CYTH3: variants seen among roughly 807,000 people sequenced by gnomAD.
CYTH3 encodes cytohesin 3.
A neutral mutation model predicts 55.1 loss-of-function variants in CYTH3; 23 were observed. That is an observed-to-expected ratio of 0.42 (90% confidence interval 0.30 to 0.59). The LOEUF (loss-of-function observed/expected upper bound fraction) is 0.59, where lower values mean the gene tolerates loss of function less well. Among genes scored for constraint, CYTH3 ranks in the 20% least tolerant of loss-of-function variants. CYTH3 has a pLI of 0.20. For synonymous variants in CYTH3, 249 were observed against 194.9 expected (o/e 1.28, Z -2.31); for missense variants, 413 against 524.8 (o/e 0.79, Z 2.08).
At chr7:6,178,792 G>A (rs141402973) in intron 4 of CYTH3, among the ~76,000 whole-genome samples, 145 of 152,272 alleles carry the variant, frequency 9.5e-4, no homozygotes, top group African/African-American at 3.1e-3. Context: ...TGAGGGCTGC[G>A]GCACAGCTGA....
intron 1 of CYTH3, among the ~76,000 whole-genome samples, chr7:6,267,332 G>C (rs1271800259): frequency 6.6e-6 from 1 of 152,164 alleles, no homozygotes. Context: ...GCCATGCATA[G>C]AACCTGGTAT....
At chr7:6,199,657 G>T (rs1396701360) in intron 1 of CYTH3, among the ~76,000 whole-genome samples, 1 of 152,164 alleles carries the variant, frequency 6.6e-6, no homozygotes, top group Admixed American at 6.6e-5. Flanking sequence ...CATGCAGGGG[G>T]AAAGAAAAGA....
intron 1 of CYTH3, among the ~76,000 whole-genome samples, chr7:6,243,271 T>C (rs893241767): frequency 6.6e-5 from 10 of 152,208 alleles, no homozygotes; most frequent in Admixed American, 1.3e-4. Flanking sequence ...CCTGTGTCTC[T>C]GTGCATAGAG....
intron 4 of CYTH3, among the ~76,000 whole-genome samples, chr7:6,186,333 C>T (rs987802493): frequency 2.0e-5 from 3 of 151,900 alleles, no homozygotes; most frequent in African/African-American, 4.8e-5. Flanking sequence ...CCCGTGGACA[C>T]GCCGTTCCTC....
intron 1 of CYTH3, among the ~76,000 whole-genome samples, chr7:6,220,144 G>A (rs528386086): frequency 3.2e-4 from 49 of 151,952 alleles, no homozygotes; most frequent in African/African-American, 7.7e-4. Context: ...TGATCTGCCC[G>A]CCTCGGCCTC....
intron 6 of CYTH3, chr7:6,172,701 G>A (rs779597395): frequency 7.2e-6 from 8 of 1,110,194 alleles, no homozygotes; most frequent in Non-Finnish European, 9.0e-6. Flanking sequence ...CAGCTGCAAG[G>A]GCCGCACCAG....
Position 6,170,273 on chromosome 7 carries a change from G to A in CYTH3, c.823+262C>T, listed in dbSNP as rs1783135426. 1 of 497,088 alleles carries A rather than the reference G, an allele frequency of 2.0e-6. No homozygotes were observed. The highest frequency in any genetic ancestry group is 1.9e-5 in the African/African-American group (1 of 51,564). 30.8% of individuals were successfully genotyped at this position (497,088 alleles called of 1,614,324 possible). On this transcript the variant is annotated intron_variant, in intron 9 of 12. Coordinates refer to ENST00000350796, the MANE Select transcript of CYTH3 (RefSeq NM_004227.4). The surrounding 1 kb of genome is among the most constrained non-coding windows in gnomAD (Gnocchi z 7.8). ...GCAGGAAGCTGCCCTGGCTGGATCT[G>A]GATGCTAACTCAGCAGTTTTCTGGG...
At chr7:6,184,442 C>A (rs758328951) in intron 4 of CYTH3, among the ~76,000 whole-genome samples, 7 of 152,048 alleles carry the variant, frequency 4.6e-5, no homozygotes, top group Non-Finnish European at 7.4e-5. Flanking sequence ...GTTTTGTTGG[C>A]CCTTATTATA....
intron 1 of CYTH3, among the ~76,000 whole-genome samples, chr7:6,196,038 AGTCT>A (rs1424288325): frequency 6.6e-6 from 1 of 152,152 alleles, no homozygotes; most frequent in African/African-American, 2.4e-5. Flanking sequence ...TTCATCCTAA[AGTCT>A]GTCTCTTTCT....
At chr7:6,270,417 T>C (rs2115073954) in intron 1 of CYTH3, among the ~76,000 whole-genome samples, 1 of 152,366 alleles carries the variant, frequency 6.6e-6, no homozygotes, top group Non-Finnish European at 1.5e-5. Flanking sequence ...CATTGTTGAA[T>C]GTTCCAGTGA....
At chr7:6,259,468 C>A (rs759413052) in intron 1 of CYTH3, among the ~76,000 whole-genome samples, 1 of 151,714 alleles carries the variant, frequency 6.6e-6, no homozygotes, top group Non-Finnish European at 1.5e-5. Context: ...TCTTGGCCAA[C>A]TGAAATTGAC....
chr7:6,165,106 A>G (rs528148568), intron 12 of CYTH3, 90 bp from the exon 13 acceptor site: 1 of 1,585,628 alleles, frequency 6.3e-7, no homozygotes, highest in African/African-American at 1.4e-5. Context: ...CTCAGACAGG[A>G]CCGCAGGCTC....
chr7:6,235,899 A>T (rs926988499), intron 1 of CYTH3, among the ~76,000 whole-genome samples: 1 of 152,354 alleles, frequency 6.6e-6, no homozygotes, highest in East Asian at 1.9e-4. Flanking sequence ...TTGAATCAGT[A>T]CAGGGCAGTA....
intron 1 of CYTH3, among the ~76,000 whole-genome samples, chr7:6,247,371 A>G (rs1392404319): frequency 1.3e-5 from 2 of 152,028 alleles, no homozygotes; most frequent in Admixed American, 6.6e-5. Context: ...TGCTCTTCCC[A>G]CTAATTTTAT....
intron 3 of CYTH3, 39 bp downstream of exon 3, chr7:6,187,618 A>T (rs780474850): frequency 1.1e-5 from 17 of 1,562,556 alleles, no homozygotes; most frequent in Non-Finnish European, 1.4e-5. Context: ...GTAGAAAGAA[A>T]AGAGTAAATA....
At chr7:6,188,330 CTCT>C (rs1783710140) in intron 2 of CYTH3, among the ~76,000 whole-genome samples, 2 of 150,758 alleles carry the variant, frequency 1.3e-5, no homozygotes, top group African/African-American at 4.9e-5. Context: ...AAGACTTGGT[CTCT>C]TTTTTTAAAA....
chr7:6,167,764 C>A lies in CYTH3; in HGVS notation c.824-1954G>T, dbSNP rs1442156653. Among the ~76,000 whole-genome samples the A allele has an allele frequency of 6.6e-6, 1 of 152,236 alleles. No homozygotes were observed. The highest frequency in any genetic ancestry group is 1.9e-4 in the East Asian group (1 of 5,198). Reference sequence around the variant, plus strand: ...CCCCAGGTTGTGTGTTTCTGTCCAGCGCCTGCTCTCTTCCTCCACGCTCCC... The same window carrying A: ...CCCCAGGTTGTGTGTTTCTGTCCAGAGCCTGCTCTCTTCCTCCACGCTCCC... On this transcript the variant is annotated intron_variant, in intron 9 of 12. Transcript: ENST00000350796. This position sits in a 1 kb window ranked among gnomAD's most constrained non-coding sequence, Gnocchi z 5.5.
At chr7:6,216,896 C>A (rs1784440523) in intron 1 of CYTH3, among the ~76,000 whole-genome samples, 1 of 150,672 alleles carries the variant, frequency 6.6e-6, no homozygotes, top group African/African-American at 2.4e-5. Context: ...AGACTTAAGC[C>A]CTAATATAAT....
At chr7:6,200,197 A>G (rs1393490275) in intron 1 of CYTH3, among the ~76,000 whole-genome samples, 2 of 152,248 alleles carry the variant, frequency 1.3e-5, no homozygotes, top group Non-Finnish European at 2.9e-5. Context: ...CTTTCAAGTT[A>G]TATTATTAAT....
Sources: gnomAD v4.1 joint callset for allele counts (sites outside exome capture counted in the v4.1 genomes callset) on GRCh38, gnomAD v4.1.1 for gene constraint, Gnocchi (gnomAD v3.1) non-coding constraint, MANE v1.5 for transcripts, NCBI Gene and HGNC (gene_info 2026-07-23, HGNC 2026-07-21) for gene names.